The following XPO4 variants were observed in gnomAD, a reference collection of about 807,000 sequenced individuals.
XPO4 encodes exportin-4.
XPO4 carries 39 observed loss-of-function variants against 143.0 expected under a neutral mutation model. That is an observed-to-expected ratio of 0.27 (90% CI 0.21 to 0.36). The LOEUF is 0.36. Among genes scored for constraint, XPO4 ranks in the 10% least tolerant of loss-of-function variants. The pLI is 1.00. For synonymous variants in XPO4, 439 were observed against 474.0 expected (o/e 0.93, Z 0.96); for missense variants, 907 against 1,348.0 (o/e 0.67, Z 5.12).
At chr13:20,854,041 C>T (rs141071038) in intron 4 of XPO4, among the ~76,000 whole-genome samples, 75 of 152,254 alleles carry the variant, frequency 4.9e-4, no homozygotes, top group African/African-American at 1.7e-3. Flanking sequence ...ACACAACAGT[C>T]ACAACTTAAC....
chr13:20,792,491 C>A (rs950420781), intron 18 of XPO4, among the ~76,000 whole-genome samples: 1 of 152,098 alleles, frequency 6.6e-6, no homozygotes, highest in Non-Finnish European at 1.5e-5. Context: ...ATCACTTGAA[C>A]CGAGGAGGCA....
chr13:20,819,813 T>A (rs1363093012), intron 9 of XPO4, among the ~76,000 whole-genome samples: 1 of 152,256 alleles, frequency 6.6e-6, no homozygotes, highest in Non-Finnish European at 1.5e-5. Context: ...TTTGTTCCTA[T>A]ATTTCTGGTA....
At chr13:20,859,843 A>C in intron 3 of XPO4, 1 of 979,432 alleles carries the variant, frequency 1.0e-6, no homozygotes, top group Non-Finnish European at 1.2e-6. Context: ...ATTTTGGATA[A>C]TATAAGAGCC....
At chr13:20,786,571 T>C (rs1370705370) in intron 22 of XPO4, among the ~76,000 whole-genome samples, 2 of 152,166 alleles carry the variant, frequency 1.3e-5, no homozygotes. Context: ...AATAAAATAC[T>C]GTCTTCCATA....
At chr13:20,828,518 C>T (rs1236008081) in intron 6 of XPO4, among the ~76,000 whole-genome samples, 1 of 151,860 alleles carries the variant, frequency 6.6e-6, no homozygotes, top group East Asian at 1.9e-4. Context: ...ATTGCTTAAC[C>T]CCTTTTAAAA....
intron 1 of XPO4, among the ~76,000 whole-genome samples, chr13:20,878,263 G>A (rs1358339675): frequency 6.6e-6 from 1 of 152,110 alleles, no homozygotes; most frequent in African/African-American, 2.4e-5. Flanking sequence ...TTAGAATTGA[G>A]ACTTATCTAG....
chr13:20,885,728 CA>C (rs2060456135), intron 1 of XPO4, among the ~76,000 whole-genome samples: 1 of 152,094 alleles, frequency 6.6e-6, no homozygotes, highest in African/African-American at 2.4e-5. Context: ...CACATGAGGT[CA>C]GGAGCTCAAG....
intron 6 of XPO4, among the ~76,000 whole-genome samples, chr13:20,838,157 T>C (rs991312222): frequency 4.6e-5 from 7 of 152,226 alleles, no homozygotes; most frequent in African/African-American, 1.4e-4. Flanking sequence ...CTATTAACTA[T>C]GATAGCATTA....
intron 1 of XPO4, among the ~76,000 whole-genome samples, chr13:20,892,300 T>C (rs2060526038): frequency 6.6e-6 from 1 of 152,020 alleles, no homozygotes; most frequent in African/African-American, 2.4e-5. Flanking sequence ...GTTGGCCAGG[T>C]TGGTCTCAAA....
At chr13:20,840,456 T>C (rs1441359333) in intron 6 of XPO4, among the ~76,000 whole-genome samples, 4 of 152,166 alleles carry the variant, frequency 2.6e-5, no homozygotes, top group Middle Eastern at 6.8e-3. Context: ...AATCCTCCCA[T>C]GTCAACCTCC....
chr13:20,823,777 G>C (rs140757154), intron 7 of XPO4, among the ~76,000 whole-genome samples: 2,714 of 152,206 alleles, frequency 0.018, 37 homozygotes, highest in Non-Finnish European at 0.03. Context: ...TCAGTCTCCT[G>C]AGTAGCTGGG....
intron 1 of XPO4, among the ~76,000 whole-genome samples, chr13:20,886,340 C>T (rs929229820): frequency 1.6e-4 from 25 of 151,954 alleles, no homozygotes; most frequent in South Asian, 4.2e-4. Flanking sequence ...AGGCTGGGCG[C>T]GTGGCTCACA....
chr13:20,811,376 T>C (rs1480176106), intron 9 of XPO4, among the ~76,000 whole-genome samples: 1 of 150,848 alleles, frequency 6.6e-6, no homozygotes, highest in Non-Finnish European at 1.5e-5. Context: ...CAGCGTCCGC[T>C]TCCTGGGTTC....
intron 1 of XPO4, among the ~76,000 whole-genome samples, chr13:20,885,383 T>C (rs936421610): frequency 5.9e-5 from 9 of 152,194 alleles, no homozygotes; most frequent in East Asian, 1.9e-4. Context: ...ACTAAGAACA[T>C]AGTTTATGAC....
rs948290177 is a variant in XPO4 at position 20,809,109 on chromosome 13, T to C, written c.1467A>G (p.Ala489=). 11 of 1,614,036 alleles carry C rather than the reference T, an allele frequency of 6.8e-6. No individual in the cohort carries two copies. The highest frequency in any genetic ancestry group is 9.3e-6 in the Non-Finnish European group (11 of 1,179,906). ...TTGTCAGAAGAGGTATACAGTGTTC[T>C]GCAGCAATTCTTCCTAGCATTCCTA... is the stretch of plus-strand genomic sequence containing the variant. ...ASVGMLGRIA[A]EHCIPLLTSL... Residue 489 remains alanine (A), a synonymous_variant, in exon 11 of 23, where the codon GCA becomes GCG. Transcript: ENST00000255305.
intron 1 of XPO4, among the ~76,000 whole-genome samples, chr13:20,887,414 G>A (rs1381993329): frequency 3.9e-5 from 6 of 151,980 alleles, no homozygotes; most frequent in Admixed American, 6.5e-5. Flanking sequence ...CCCCACAAAC[G>A]TATGCAATTA....
rs144921167 is a variant in XPO4, at chr13:20,794,523, T to C, written c.2797+1553A>G. On this transcript the variant is annotated intron_variant, in intron 18 of 22. Coordinates refer to ENST00000255305, the MANE Select transcript of XPO4 (RefSeq NM_022459.5). ...CTGGGTTCCTGACACACCTGGAAAA[T>C]GTATAGAAGAGTTTCCAGGAGTCCA... is the stretch of plus-strand genomic sequence containing the variant. 6.6e-5 allele frequency among the ~76,000 whole-genome samples: 10 copies of C among 152,136 alleles called. No homozygotes were observed. In the East Asian group the frequency reaches 1.9e-3, roughly 29 times the overall value.
At chr13:20,805,937 G>A (rs1341093147) in intron 13 of XPO4, among the ~76,000 whole-genome samples, 1 of 147,688 alleles carries the variant, frequency 6.8e-6, no homozygotes, top group African/African-American at 2.5e-5. Context: ...TTTTTTTTTG[G>A]TCCCAATCCT....
At chr13:20,817,986 G>T (rs566795368) in intron 9 of XPO4, among the ~76,000 whole-genome samples, 1 of 152,080 alleles carries the variant, frequency 6.6e-6, no homozygotes, top group Admixed American at 6.5e-5. Flanking sequence ...AGTAGAGACG[G>T]AGCTTCGATG....
Sources: allele counts gnomAD v4.1 joint callset (sites outside exome capture counted in the v4.1 genomes callset), GRCh38; gene constraint gnomAD v4.1.1; transcripts MANE v1.5; gene names NCBI Gene and HGNC (gene_info 2026-07-23, HGNC 2026-07-21).